RGS5: variants seen among roughly 807,000 people sequenced by gnomAD.
RGS5 encodes regulator of G-protein signalling 5.
A neutral mutation model predicts 18.9 loss-of-function variants in RGS5; 20 were observed. That is an observed-to-expected ratio of 1.06 (90% CI 0.74 to 1.54). RGS5 has a LOEUF of 1.54. RGS5 is among the 40% of genes most tolerant of loss of function. RGS5 has a pLI of 0.00. For synonymous variants in RGS5, 57 were observed against 76.2 expected (o/e 0.75, Z 1.31); for missense variants, 201 against 211.8 (o/e 0.95, Z 0.32).
At chr1:163,281,507 C>G (rs1285837675) in intron 2 of RGS5, among the ~76,000 whole-genome samples, 2 of 151,936 alleles carry the variant, frequency 1.3e-5, no homozygotes, top group Non-Finnish European at 2.9e-5. Context: ...ACAACCTGCT[C>G]TCATGTAAAC....
rs557364589 is a variant in RGS5, at chr1:163,191,006, C to A, written c.44+11786G>T. Among the ~76,000 whole-genome samples the A allele has an allele frequency of 7.9e-5, 12 of 151,810 alleles. No homozygotes were observed. The South Asian group carries it at 2.5e-3, about 32-fold the overall frequency. On this transcript the variant is annotated intron_variant, in intron 1 of 4. Transcript: ENST00000313961. ...GGATCAATACATATATATATATATC[C>A]CTGTGTGCTCTCCTGTGACGGCCAC...
chr1:163,154,198 A>G (rs988184341), intron 3 of RGS5, among the ~76,000 whole-genome samples: 2 of 152,208 alleles, frequency 1.3e-5, no homozygotes, highest in African/African-American at 4.8e-5. Context: ...TATAGGCTCT[A>G]AAGTTTTATT....
rs531057346 is a variant in RGS5 at position 163,263,674 on chromosome 1, A to G, written c.-281+42559T>C. The stretch of plus-strand genomic sequence containing the variant: ...TTAAATCAAACAGAAGAAAGAAATT[A>G]CCATAATGTTGTCTAAAGCAGGGAC... On this transcript the variant is annotated intron_variant, in intron 2 of 5. Coordinates refer to the RGS5 transcript ENST00000618415. Among the ~76,000 whole-genome samples the G allele has an allele frequency of 2.0e-4, 30 of 152,190 alleles. 1 individual carries two copies. The South Asian group carries it at 6.2e-3, about 32-fold the overall frequency.
intron 3 of RGS5, among the ~76,000 whole-genome samples, chr1:163,158,607 C>T (rs1037212708): frequency 7.9e-5 from 12 of 151,942 alleles, no homozygotes; most frequent in Admixed American, 7.9e-4. Flanking sequence ...TAGTGATTTT[C>T]AAAAGGGGAA....
intron 2 of RGS5, among the ~76,000 whole-genome samples, chr1:163,241,593 C>T (rs1285299448): frequency 6.7e-6 from 1 of 149,308 alleles, no homozygotes; most frequent in Non-Finnish European, 1.5e-5. Context: ...GTCGTTTATT[C>T]TCACATTATC....
intron 1 of RGS5, among the ~76,000 whole-genome samples, chr1:163,311,519 ACT>A (rs1436002071): frequency 6.6e-6 from 1 of 151,986 alleles, no homozygotes; most frequent in Admixed American, 6.6e-5. Flanking sequence ...GAGACATTTG[ACT>A]CTTTCTTTCA....
At chr1:163,182,225 C>T (rs958526436) in intron 1 of RGS5, among the ~76,000 whole-genome samples, 2 of 152,124 alleles carry the variant, frequency 1.3e-5, no homozygotes, top group Non-Finnish European at 2.9e-5. Context: ...AAACTCCTTT[C>T]AGAAGATTTC....
intron 2 of RGS5, among the ~76,000 whole-genome samples, chr1:163,275,514 G>A (rs1028687271): frequency 7.9e-5 from 12 of 152,188 alleles, no homozygotes; most frequent in African/African-American, 2.9e-4. Context: ...TGGCAGCTAA[G>A]TTGTTGATTT....
At chr1:163,248,406 A>G (rs900389775) in intron 2 of RGS5, 1 of 152,174 alleles carries the variant, frequency 6.6e-6, no homozygotes, top group Non-Finnish European at 1.5e-5. Flanking sequence ...TATAAAACTC[A>G]CCAGGCTCTG....
chr1:163,163,657 T>C (rs1657908460), intron 2 of RGS5, among the ~76,000 whole-genome samples: 2 of 152,230 alleles, frequency 1.3e-5, no homozygotes, highest in African/African-American at 2.4e-5. Flanking sequence ...CATGCCTACA[T>C]GTTTAGCACA....
chr1:163,196,886 G>A (rs2999967), intron 1 of RGS5, among the ~76,000 whole-genome samples: 83,212 of 152,040 alleles, frequency 0.55, 23,551 homozygotes, highest in African/African-American at 0.69. Context: ...GAAAGCAGAG[G>A]AAATACCAAG....
chr1:163,169,842 C>G (rs920695779), intron 1 of RGS5, among the ~76,000 whole-genome samples: 2 of 152,046 alleles, frequency 1.3e-5, no homozygotes, highest in African/African-American at 4.8e-5. Flanking sequence ...ATCCATTGTT[C>G]TCTATGGCTG....
intron 4 of RGS5, among the ~76,000 whole-genome samples, chr1:163,149,281 C>G (rs1657280566): frequency 1.3e-5 from 2 of 152,156 alleles, no homozygotes; most frequent in African/African-American, 4.8e-5. Context: ...GAGACTATAA[C>G]ATAGATTTCT....
chr1:163,269,421 C>A (rs1648658191), intron 2 of RGS5, among the ~76,000 whole-genome samples: 1 of 151,854 alleles, frequency 6.6e-6, no homozygotes, highest in Non-Finnish European at 1.5e-5. Context: ...CATAGCAGGG[C>A]CAGAGGGGTT....
intron 1 of RGS5, among the ~76,000 whole-genome samples, chr1:163,317,956 A>G (rs1650071968): frequency 6.6e-6 from 1 of 152,066 alleles, no homozygotes; most frequent in South Asian, 2.1e-4. Flanking sequence ...TATCTAGCTC[A>G]GTGTCTGGCA....
intron 1 of RGS5, chr1:163,308,741 T>TA (rs1392508088): frequency 6.6e-6 from 1 of 152,072 alleles, no homozygotes; most frequent in East Asian, 1.9e-4. Context: ...AAAACCAATA[T>TA]AAAATAGTAC....
intron 1 of RGS5, among the ~76,000 whole-genome samples, chr1:163,177,073 T>C (rs985262006): frequency 6.6e-6 from 1 of 152,166 alleles, no homozygotes; most frequent in Non-Finnish European, 1.5e-5. Context: ...TAGAAGTGAG[T>C]GTTTACACGT....
At chr1:163,217,748 C>T (rs1660249837), upstream of RGS5, 2 of 1,029,538 alleles carry the variant, frequency 1.9e-6, no homozygotes, top group South Asian at 4.3e-5. Flanking sequence ...GTATCCTGAA[C>T]CTGAATTCTA....
rs1174820029 is a variant in RGS5 at position 163,147,955 on chromosome 1, A to G, written c.385-452T>C. Among the ~76,000 whole-genome samples, 3 of 73,114 alleles carry G rather than the reference A, an allele frequency of 4.1e-5. No individual in the cohort carries two copies. The East Asian group carries it at 1.3e-3, about 31-fold the overall frequency. The allele number at this position is 73,114 out of a possible 152,430, so 48.0% of individuals were successfully genotyped here. A position where few individuals can be genotyped will look rare whatever the true frequency, so the allele number is the denominator to read the frequency against. ...TTTTTTTTTTTGTTGGATAGAGTCTAGTTCTGTCACTCAGGCAGGCTGGAG... is the reference window on the plus strand; with the variant it reads ...TTTTTTTTTTTGTTGGATAGAGTCTGGTTCTGTCACTCAGGCAGGCTGGAG... On this transcript the variant is annotated intron_variant, in intron 4 of 4. Transcript: ENST00000313961.
Sources: gnomAD v4.1 joint callset for allele counts (sites outside exome capture counted in the v4.1 genomes callset) on GRCh38, gnomAD v4.1.1 for gene constraint, MANE v1.5 for transcripts, NCBI Gene and HGNC (gene_info 2026-07-23, HGNC 2026-07-21) for gene names.